The following CHD9 variants were observed in gnomAD, a reference collection of about 807,000 sequenced individuals.
CHD9 encodes the protein chromodomain helicase DNA binding protein 9.
CHD9 carries 77 observed loss-of-function variants against 316.1 expected under a neutral mutation model. The ratio of observed to expected loss-of-function variants is 0.24; its 90% confidence interval spans 0.20 to 0.29. CHD9 has a LOEUF of 0.29. CHD9 is among the 10% of genes least tolerant of loss of function. The pLI, the probability that CHD9 is intolerant of heterozygous loss-of-function variation, is 1.00. For missense variants in CHD9, 2,763 were observed against 3,438.1 expected (o/e 0.80, Z 4.91); for synonymous variants, 1,129 against 1,158.3 (o/e 0.97, Z 0.51).
Position 53,247,497 on chromosome 16 carries a change from A to G in CHD9, c.3659A>G (p.His1220Arg). The change falls in exon 16 of 39, where the codon CAT becomes CGT. Residue 1220 changes from histidine to arginine, a missense_variant. Transcript: ENST00000447540. Reference protein sequence around the residue: ...CLDILEDYLIHKRYLYERIDG... With the variant: ...CLDILEDYLIRKRYLYERIDG... ...GACATTCTGGAGGACTATCTCATAC[A>G]TAAAAGGTAAAGCATACTGAATTTA... 1 of 1,590,134 alleles carries G rather than the reference A, an allele frequency of 6.3e-7. No individual in the cohort carries two copies. The highest frequency in any genetic ancestry group is 8.6e-7 in the Non-Finnish European group (1 of 1,165,694).
Position 53,254,589 on chromosome 16 carries a change from A to G in CHD9, c.4013A>G (p.Glu1338Gly). 1 of 1,604,586 alleles carries G rather than the reference A, an allele frequency of 6.2e-7. No individual in the cohort carries two copies. The change falls in exon 18 of 39, where the codon GAA (glutamate) becomes GGA (glycine). Residue 1338 changes from glutamate (E) to glycine (G), a missense_variant. Transcript: ENST00000447540. ...KAVLQSMSGRESNVGGIQQLS... is the reference protein window; with the variant it reads ...KAVLQSMSGRGSNVGGIQQLS... ...GTGTTACAGAGCATGAGTGGAAGAG[A>G]AAGTAATGTTGGTGGTGTATGTATA... is the stretch of plus-strand genomic sequence containing the variant.
intron 24 of CHD9, among the ~76,000 whole-genome samples, chr16:53,277,517 A>G (rs1364454202): frequency 6.6e-6 from 1 of 152,184 alleles, no homozygotes. Context: ...CATTTCAGTA[A>G]ACACAAAGCA....
intron 24 of CHD9, among the ~76,000 whole-genome samples, chr16:53,285,226 C>T (rs57066939): frequency 0.033 from 5,089 of 152,094 alleles, 298 homozygotes; most frequent in African/African-American, 0.12. Flanking sequence ...TTCTCATGTG[C>T]GAAATGAAAT....
intron 10 of CHD9, among the ~76,000 whole-genome samples, chr16:53,232,118 T>G (rs566602994): frequency 1.3e-5 from 2 of 152,342 alleles, no homozygotes; most frequent in East Asian, 3.9e-4. Flanking sequence ...TTTTCTGGTC[T>G]TCTTACTTTA....
At chr16:53,167,500 T>C (rs2042353215) in intron 2 of CHD9, among the ~76,000 whole-genome samples, 1 of 152,134 alleles carries the variant, frequency 6.6e-6, no homozygotes, top group Admixed American at 6.5e-5. Context: ...CAGTTGACAG[T>C]GGTTTCTAGC....
chr16:53,140,313 C>T (rs1207714467), intron 1 of CHD9, among the ~76,000 whole-genome samples: 1 of 151,102 alleles, frequency 6.6e-6, no homozygotes, highest in Non-Finnish European at 1.5e-5. Flanking sequence ...AAAAAATTAG[C>T]CAGATGTGGT....
chr16:53,139,505 G>A (rs1221537581), intron 1 of CHD9, among the ~76,000 whole-genome samples: 3 of 152,132 alleles, frequency 2.0e-5, no homozygotes, highest in Admixed American at 1.3e-4. Flanking sequence ...AATGAAAAAA[G>A]TCACAAGGGT....
intron 2 of CHD9, among the ~76,000 whole-genome samples, chr16:53,170,578 CGT>C (rs10593955): frequency 0.64 from 89,376 of 139,984 alleles, 28,685 homozygotes; most frequent in East Asian, 0.75. Flanking sequence ...TTTGTAATTT[CGT>C]GTGTGTGTGT....
In CHD9 at chr16:53,324,130, A is replaced by G. The variant is rs1421413015; in HGVS notation, c.7929A>G (p.Ala2643=). Residue 2643 remains alanine (A), a synonymous_variant, in exon 39 of 39, where the codon GCA becomes GCG. Transcript: ENST00000447540. ...AAAGTGGAATTGCAAAGGCCACAGCAGCAGCAGCTGCTGCATCTGCCACCA... is the reference window on the plus strand; with the variant it reads ...AAAGTGGAATTGCAAAGGCCACAGCGGCAGCAGCTGCTGCATCTGCCACCA... ...RPKSGIAKAT[A]AAAAASATSV... 6.2e-7 allele frequency: 1 copy of G among 1,613,892 alleles called. No homozygotes were observed. The highest frequency in any genetic ancestry group is 1.3e-5 in the African/African-American group (1 of 74,926).
At chr16:53,188,611 T>TG in intron 2 of CHD9, among the ~76,000 whole-genome samples, 1 of 125,828 alleles carries the variant, frequency 7.9e-6, no homozygotes, top group African/African-American at 3.1e-5. Flanking sequence ...CCTTTTTTTT[T>TG]TTTTTTTTTT....
At chr16:53,173,456 A>G (rs1357164302) in intron 2 of CHD9, among the ~76,000 whole-genome samples, 1 of 151,808 alleles carries the variant, frequency 6.6e-6, no homozygotes, top group Non-Finnish European at 1.5e-5. Flanking sequence ...ATGGAATTTC[A>G]TTGGGTTTTC....
At chr16:53,322,405 C>T (rs894415991) in intron 38 of CHD9, among the ~76,000 whole-genome samples, 1 of 151,338 alleles carries the variant, frequency 6.6e-6, no homozygotes, top group Non-Finnish European at 1.5e-5. Flanking sequence ...GTCAGGAGTT[C>T]GAGACCAGCC....
At chr16:53,311,427 A>G (rs765601944) in intron 34 of CHD9, 3 of 152,208 alleles carry the variant, frequency 2.0e-5, no homozygotes, top group Non-Finnish European at 4.4e-5. Flanking sequence ...GATGGGTTAA[A>G]TAAAACAATG....
intron 31 of CHD9, among the ~76,000 whole-genome samples, chr16:53,305,568 G>C (rs900903394): frequency 1.3e-5 from 2 of 152,162 alleles, no homozygotes; most frequent in African/African-American, 2.4e-5. Flanking sequence ...TAGTGAACAA[G>C]TAAAAGATAA....
rs759835455 is a variant in CHD9, at chr16:53,267,354, A to G, written c.4381A>G (p.Lys1461Glu). 67 of 1,612,712 alleles carry G rather than the reference A, an allele frequency of 4.2e-5. No individual in the cohort carries two copies. The highest frequency in any genetic ancestry group is 5.5e-5 in the Non-Finnish European group (65 of 1,179,208). The change falls in exon 21 of 39, where the codon AAA (lysine) becomes GAA (glutamate). Residue 1461 changes from lysine to glutamate, a missense_variant. Transcript: ENST00000447540. ...RKQTRPFSAT[K>E]DELAELSEAE... The stretch of plus-strand genomic sequence containing the variant: ...GCAAACAAGACCTTTTAGTGCCACA[A>G]AAGATGAATTGGCTGAATTATCTGA...
chr16:53,055,185 C>A (rs2031907990), intron 1 of CHD9, 108 bp downstream of exon 1: 2 of 152,908 alleles, frequency 1.3e-5, no homozygotes, highest in Non-Finnish European at 2.9e-5. Flanking sequence ...CCGGAGGAGT[C>A]GGGGCGGCAG....
At position 53,153,966 on chromosome 16, in the gene CHD9, G is replaced by A. The variant is rs766330919; in HGVS notation, c.-164-1960G>A. Among the ~76,000 whole-genome samples the A allele has an allele frequency of 1.5e-4, 23 of 152,174 alleles. 1 individual carries two copies. Among genetic ancestry groups the A allele is most frequent in the Admixed American group, 2.6e-4 (4 of 15,276 alleles). On this transcript the variant is annotated intron_variant, in intron 1 of 38. Coordinates refer to ENST00000447540, the MANE Select transcript of CHD9 (RefSeq NM_001308319.2). ...GCTAGCTGGTAAGGTGCCCAGGAAA[G>A]GGGAGATCAGATCAAATAATGAATA... is the stretch of plus-strand genomic sequence containing the variant.
intron 25 of CHD9, among the ~76,000 whole-genome samples, chr16:53,286,008 A>G (rs1194970385): frequency 6.6e-6 from 1 of 152,100 alleles, no homozygotes; most frequent in Non-Finnish European, 1.5e-5. Flanking sequence ...TCTCATATTA[A>G]CTGATAAATG....
At chr16:53,323,249 A>G (rs1359643091) in intron 38 of CHD9, among the ~76,000 whole-genome samples, 2 of 152,250 alleles carry the variant, frequency 1.3e-5, no homozygotes, top group South Asian at 2.1e-4. Flanking sequence ...GTTCTATTAA[A>G]TAGACTATTA....
Sources: allele counts gnomAD v4.1 joint callset (sites outside exome capture counted in the v4.1 genomes callset), GRCh38; gene constraint gnomAD v4.1.1; transcripts MANE v1.5; gene names NCBI Gene and HGNC (gene_info 2026-07-23, HGNC 2026-07-21).